Variants in TNS1 observed in about 807,000 individuals in gnomAD.
TNS1 encodes tensin 1.
TNS1 carries 62 observed loss-of-function variants against 168.6 expected under a neutral mutation model. The observed-to-expected ratio is 0.37, with a 90% CI of 0.30 to 0.45. TNS1 has a LOEUF of 0.45. TNS1 is among the 20% of genes least tolerant of loss of function. The probability of loss-of-function intolerance (pLI) is 1.00; values close to 1 mark genes in which losing one functional copy is unlikely to be tolerated. For missense variants in TNS1, 2,240 were observed against 2,339.4 expected, an observed-to-expected ratio of 0.96 and a Z score of 0.88; for synonymous variants, 934 against 933.2, an observed-to-expected ratio of 1.00 and a Z score of -0.02.
intron 18 of TNS1, among the ~76,000 whole-genome samples, chr2:217,857,005 G>T (rs1948212237): frequency 6.6e-6 from 1 of 152,088 alleles, no homozygotes. Flanking sequence ...TTCCCATTCT[G>T]CTGAGTCCAA....
chr2:217,990,555 C>T (rs1209926405), intron 2 of TNS1, among the ~76,000 whole-genome samples: 1 of 152,140 alleles, frequency 6.6e-6, no homozygotes, highest in African/African-American at 2.4e-5. Flanking sequence ...ATGCATCATC[C>T]ACACACCAGC....
intron 18 of TNS1, among the ~76,000 whole-genome samples, chr2:217,877,817 C>G (rs1242164789): frequency 6.6e-6 from 1 of 152,164 alleles, no homozygotes; most frequent in East Asian, 1.9e-4. Context: ...CAGGAGAGGG[C>G]AAGGTGGGGA....
At chr2:218,002,034 G>T (rs867544919) in intron 1 of TNS1, among the ~76,000 whole-genome samples, 20 of 152,270 alleles carry the variant, frequency 1.3e-4, no homozygotes, top group Middle Eastern at 6.8e-3. Context: ...TGAGGAAGGG[G>T]TCCTCTCCTC....
intron 21 of TNS1, 117 bp downstream of exon 21, chr2:217,834,974 G>T: frequency 1.2e-6 from 1 of 805,878 alleles, no homozygotes; most frequent in Non-Finnish European, 1.9e-6. Context: ...GCACGTTCTG[G>T]CCCCACCTGG....
At chr2:217,856,219 G>A (rs193215078) in intron 18 of TNS1, among the ~76,000 whole-genome samples, 118 of 152,326 alleles carry the variant, frequency 7.7e-4, no homozygotes, top group Non-Finnish European at 7.3e-5. Context: ...GGCTGCGGGA[G>A]CCTAAGAAGT....
chr2:217,959,469 T>C (rs1957443216), intron 3 of TNS1, among the ~76,000 whole-genome samples: 1 of 151,782 alleles, frequency 6.6e-6, no homozygotes, highest in African/African-American at 2.4e-5. Context: ...AAACTTAGCA[T>C]GGAACCTAGT....
In TNS1 at chr2:217,986,439, T is replaced by A. The variant is rs1958194055; in HGVS notation, c.148+4503A>T. On this transcript the variant is annotated intron_variant, in intron 2 of 32. Transcript: ENST00000682258. The surrounding 1 kb of genome is among the most constrained non-coding windows in gnomAD (Gnocchi z 4.7). The stretch of plus-strand genomic sequence containing the variant: ...GTTTTATCCAAGTCTGGGCCCCAGA[T>A]CAGGCCCTGATGGCAGCCCTCGGGC... Among the ~76,000 whole-genome samples, 1 of 152,206 alleles carries A rather than the reference T, an allele frequency of 6.6e-6. No homozygotes were observed. Among genetic ancestry groups the A allele is most frequent in the Non-Finnish European group, 1.5e-5 (1 of 68,032 alleles).
At chr2:217,992,990 G>A (rs1475206235) in intron 1 of TNS1, among the ~76,000 whole-genome samples, 1 of 152,150 alleles carries the variant, frequency 6.6e-6, no homozygotes, top group Admixed American at 6.5e-5. Flanking sequence ...TGTATTTTTA[G>A]TGTCCCTTTT....
At chr2:217,851,127 C>T (rs1947426569) in intron 18 of TNS1, among the ~76,000 whole-genome samples, 2 of 149,816 alleles carry the variant, frequency 1.3e-5, no homozygotes, top group African/African-American at 4.9e-5. Context: ...ATCACAAACA[C>T]ACACACACAC....
chr2:217,886,056 G>A lies in TNS1; in HGVS notation c.1028C>T (p.Thr343Ile), dbSNP rs1951170254. 6.2e-7 allele frequency: 1 copy of A among 1,613,990 alleles called. No individual in the cohort carries two copies. The highest frequency in any genetic ancestry group is 1.1e-5 in the South Asian group (1 of 91,080). The change falls in exon 14 of 33, where the codon ACA becomes ATA. Residue 343 changes from threonine to isoleucine, a missense_variant. Thr to Ile is a moderately conservative substitution (Grantham distance 89). Transcript: ENST00000682258. ...ATGTAATACTTACTAGATGCCAGAT[G>A]TGTACACAGGTTGCATGGCCTGGTA... ...RIYQAMQPVY[T>I]SGIYNIPGDS...
At chr2:218,016,205 T>A (rs976878417) in intron 1 of TNS1, among the ~76,000 whole-genome samples, 1 of 151,256 alleles carries the variant, frequency 6.6e-6, no homozygotes, top group Non-Finnish European at 1.5e-5. Context: ...GCTCCTGAAC[T>A]GGACAGAGAG....
At chr2:218,017,084 A>C (rs1958768528) in intron 1 of TNS1, among the ~76,000 whole-genome samples, 1 of 152,188 alleles carries the variant, frequency 6.6e-6, no homozygotes, top group Admixed American at 6.5e-5. Flanking sequence ...CTGCCTCCCC[A>C]GGCTCAGACC....
intron 24 of TNS1, among the ~76,000 whole-genome samples, chr2:217,816,454 G>A (rs1306666158): frequency 6.6e-6 from 1 of 152,118 alleles, no homozygotes; most frequent in African/African-American, 2.4e-5. Flanking sequence ...TCTGTCTCCG[G>A]GCGAGTGTGA....
chr2:217,852,379 C>T (rs1436636078), intron 18 of TNS1, among the ~76,000 whole-genome samples: 1 of 152,208 alleles, frequency 6.6e-6, no homozygotes, highest in Non-Finnish European at 1.5e-5. Context: ...CAGAATTTCC[C>T]TCCTGGGCCA....
chr2:218,016,876 G>A (rs1451735776), intron 1 of TNS1, among the ~76,000 whole-genome samples: 1 of 152,228 alleles, frequency 6.6e-6, no homozygotes, highest in Non-Finnish European at 1.5e-5. Flanking sequence ...AGGAAGGTGG[G>A]AGGCTCCTGA....
chr2:217,902,660 GA>G (rs773579311), intron 6 of TNS1, among the ~76,000 whole-genome samples: 12 of 152,164 alleles, frequency 7.9e-5, no homozygotes, highest in Non-Finnish European at 1.8e-4. Context: ...GGCCCAAACA[GA>G]GTCTGGCCAG....
chr2:217,891,097 G>C (rs372455308), intron 11 of TNS1, 52 bp from the exon 12 acceptor site: 1 of 1,589,800 alleles, frequency 6.3e-7, no homozygotes, highest in South Asian at 1.1e-5. Flanking sequence ...TCCAAGAGCC[G>C]CTTGTTTTCC....
intron 3 of TNS1, among the ~76,000 whole-genome samples, chr2:217,928,990 G>C (rs1256339971): frequency 5.3e-5 from 8 of 152,224 alleles, no homozygotes; most frequent in Non-Finnish European, 8.8e-5. Context: ...AACCAGACCT[G>C]AACGAGGCAG....
chr2:218,020,601 A>C (rs1471533172), intron 1 of TNS1, among the ~76,000 whole-genome samples: 1 of 151,938 alleles, frequency 6.6e-6, no homozygotes, highest in Non-Finnish European at 1.5e-5. Flanking sequence ...GGTAAACATG[A>C]TCCTAAAACA....
Sources: gnomAD v4.1 joint callset for allele counts (sites outside exome capture counted in the v4.1 genomes callset) on GRCh38, gnomAD v4.1.1 for gene constraint, Gnocchi (gnomAD v3.1) non-coding constraint, MANE v1.5 for transcripts, NCBI Gene and HGNC (gene_info 2026-07-23, HGNC 2026-07-21) for gene names.